KIAA2012: variants seen among roughly 807,000 people sequenced by gnomAD.
The protein encoded by KIAA2012 is KIAA2012.
KIAA2012 carries 125 observed loss-of-function variants against 150.6 expected under a neutral mutation model. The ratio of observed to expected loss-of-function variants is 0.83; its 90% CI spans 0.72 to 0.96. The LOEUF is 0.96. Among genes scored for constraint, KIAA2012 ranks in the 40% least tolerant of loss-of-function variants. The pLI is 0.00. For missense variants in KIAA2012, 1,219 were observed against 1,354.9 expected (o/e 0.90, Z 1.57); for synonymous variants, 462 against 504.7 (o/e 0.92, Z 1.13).
chr2:202,124,330 T>C (rs1160134130), intron 11 of KIAA2012, among the ~76,000 whole-genome samples: 1 of 152,268 alleles, frequency 6.6e-6, no homozygotes, highest in Non-Finnish European at 1.5e-5. Flanking sequence ...AATTTTCATT[T>C]TGACTGACAA....
chr2:202,126,134 T>C (rs1272989188), intron 12 of KIAA2012, among the ~76,000 whole-genome samples: 1 of 151,874 alleles, frequency 6.6e-6, no homozygotes, highest in East Asian at 1.9e-4. Context: ...TTTGTATTTT[T>C]AGTAGAGACG....
intron 13 of KIAA2012, among the ~76,000 whole-genome samples, chr2:202,150,915 T>G (rs968202363): frequency 2.6e-5 from 4 of 152,200 alleles, no homozygotes; most frequent in Admixed American, 2.6e-4. Context: ...CTGATCACTA[T>G]TTATTCTTCT....
At chr2:202,196,571 C>T (rs1347179164) in intron 21 of KIAA2012, among the ~76,000 whole-genome samples, 2 of 151,990 alleles carry the variant, frequency 1.3e-5, no homozygotes, top group Admixed American at 6.6e-5. Context: ...ATAAGCACAC[C>T]GGGCTCTGGA....
rs182994074 is a variant in KIAA2012, at chr2:202,154,776, G to T, written c.2012G>T (p.Arg671Leu). The T allele has an allele frequency of 7.7e-6, 12 of 1,549,202 alleles. No homozygotes were observed. The highest frequency in any genetic ancestry group is 9.6e-6 in the Non-Finnish European group (11 of 1,146,722). Reference sequence around the variant, plus strand: ...TCAAACAGAAAAGAATTTTACACGCGCAAGCTGCACATCGACATGACGCCG... The same window carrying T: ...TCAAACAGAAAAGAATTTTACACGCTCAAGCTGCACATCGACATGACGCCG... ...ICSNRKEFYT[R>L]KLHIDMTPFL... Residue 671 changes from arginine (R) to leucine (L), a missense_variant, in exon 14 of 24, where the codon CGC becomes CTC. Coordinates refer to ENST00000498697, the MANE Select transcript of KIAA2012 (RefSeq NM_001277372.4).
intron 7 of KIAA2012, among the ~76,000 whole-genome samples, chr2:202,102,437 A>C (rs555873055): frequency 6.6e-6 from 1 of 152,342 alleles, no homozygotes; most frequent in Admixed American, 6.5e-5. Flanking sequence ...CAACAACCTT[A>C]TAAGGTAAGT....
chr2:202,089,250 C>T (rs1449163345), intron 2 of KIAA2012, among the ~76,000 whole-genome samples: 1 of 152,218 alleles, frequency 6.6e-6, no homozygotes, highest in Non-Finnish European at 1.5e-5. Flanking sequence ...AGATAACAAA[C>T]TTTCTTTCTC....
At chr2:202,131,528 T>C (rs1690927909) in intron 12 of KIAA2012, among the ~76,000 whole-genome samples, 1 of 152,232 alleles carries the variant, frequency 6.6e-6, no homozygotes, top group Admixed American at 6.5e-5. Context: ...ACAAATACTA[T>C]GGTAGGCACA....
Position 202,100,288 on chromosome 2 carries a change from TCTCATC to T in KIAA2012, c.1013-16_1013-11del, listed in dbSNP as rs946505298. 5.2e-6 allele frequency: 8 copies of T among 1,547,432 alleles called. No individual in the cohort carries two copies. In the African/African-American group the frequency reaches 9.6e-5, roughly 19 times the overall value. On this transcript the variant is annotated splice_polypyrimidine_tract_variant and intron_variant, in intron 6 of 23. Transcript: ENST00000498697. The stretch of plus-strand genomic sequence containing the variant: ...CTACCTGCAATTAATATATTCTCAT[TCTCATC>T]CTGTTTTTAAAGATAAACAAAGGAA...
chr2:202,180,482 G>A (rs1031060066), intron 15 of KIAA2012, among the ~76,000 whole-genome samples: 1 of 152,144 alleles, frequency 6.6e-6, no homozygotes, highest in African/African-American at 2.4e-5. Flanking sequence ...AAAATAGACT[G>A]TACATCCTTT....
Position 202,113,453 on chromosome 2 carries a change from T to C in KIAA2012, c.1762+7T>C. ...GCGCTTCCATCGGGTAAAGGTAAGC[T>C]AACACATTCCAGGGCAGCCTTGTTT... On this transcript the variant is annotated splice_region_variant and intron_variant, in intron 11 of 23. Transcript: ENST00000498697. 6.5e-7 allele frequency: 1 copy of C among 1,528,964 alleles called. No homozygotes were observed. The highest frequency in any genetic ancestry group is 1.2e-5 in the South Asian group (1 of 81,446). 94.7% of individuals were successfully genotyped at this position (1,528,964 alleles called of 1,614,324 possible). A position where few individuals can be genotyped will look rare whatever the true frequency, so the allele number is the denominator to read the frequency against.
intron 2 of KIAA2012, among the ~76,000 whole-genome samples, chr2:202,084,380 T>G (rs10194646): frequency 0.3 from 45,860 of 152,038 alleles, 7,348 homozygotes; most frequent in East Asian, 0.38. Context: ...GAAGGGACAG[T>G]TACACAGGAG....
Position 202,109,553 on chromosome 2 carries a change from C to A in KIAA2012, c.1475-60C>A, listed in dbSNP as rs531845484. ...TTCAACCAAGTTAGAAGAGAGCTTC[C>A]TTCTCCTTCCTGCTGATTCTGTTTT... On this transcript the variant is annotated intron_variant, in intron 9 of 23. Coordinates refer to ENST00000498697, the MANE Select transcript of KIAA2012 (RefSeq NM_001277372.4). The A allele has an allele frequency of 4.5e-5, 64 of 1,420,976 alleles. 1 individual carries two copies. In the South Asian group the frequency reaches 8.8e-4, roughly 19 times the overall value. 88.0% of individuals were successfully genotyped at this position (1,420,976 alleles called of 1,614,324 possible). A position where few individuals can be genotyped will look rare whatever the true frequency, so the allele number is the denominator to read the frequency against.
At chr2:202,129,880 A>T (rs1690891473) in intron 12 of KIAA2012, among the ~76,000 whole-genome samples, 1 of 152,182 alleles carries the variant, frequency 6.6e-6, no homozygotes, top group Non-Finnish European at 1.5e-5. Context: ...CATGAAGTCA[A>T]ATCATTGATA....
rs1309000162 is a variant in KIAA2012 at position 202,143,268 on chromosome 2, T to C, written c.1908+4760T>C. On this transcript the variant is annotated intron_variant, in intron 13 of 23. Coordinates refer to ENST00000498697, the MANE Select transcript of KIAA2012 (RefSeq NM_001277372.4). ...CCCAGCTAATTTTTTTGTATTTTAG[T>C]AGAGACAGGGTTTCACTGTGTTGCC... 2.0e-5 allele frequency among the ~76,000 whole-genome samples: 3 copies of C among 151,940 alleles called. No homozygotes were observed. In the East Asian group the frequency reaches 5.8e-4, roughly 29 times the overall value.
intron 12 of KIAA2012, among the ~76,000 whole-genome samples, chr2:202,131,407 C>T (rs1417835073): frequency 2.0e-5 from 3 of 152,312 alleles, no homozygotes; most frequent in Non-Finnish European, 2.9e-5. Context: ...TCCCAAAGTG[C>T]TGGGATTACA....
At chr2:202,158,035 C>G (rs890013962) in intron 14 of KIAA2012, among the ~76,000 whole-genome samples, 1 of 151,986 alleles carries the variant, frequency 6.6e-6, no homozygotes, top group Non-Finnish European at 1.5e-5. Flanking sequence ...CTCTCTGTCA[C>G]TCAGGCTGGA....
chr2:202,165,445 G>A, intron 15 of KIAA2012, 89 bp downstream of exon 15: 1 of 1,302,204 alleles, frequency 7.7e-7, no homozygotes, highest in Non-Finnish European at 1.1e-6. Flanking sequence ...TGGGAGGCCA[G>A]GCACGGTGGC....
chr2:202,146,046 T>C (rs1691288262), intron 13 of KIAA2012, among the ~76,000 whole-genome samples: 1 of 152,190 alleles, frequency 6.6e-6, no homozygotes, highest in South Asian at 2.1e-4. Context: ...GCACAGGGTT[T>C]AGGATTATCT....
At chr2:202,178,301 A>C (rs964679844) in intron 15 of KIAA2012, among the ~76,000 whole-genome samples, 1 of 152,204 alleles carries the variant, frequency 6.6e-6, no homozygotes, top group Admixed American at 6.5e-5. Context: ...TTTTTCCTAT[A>C]CTGTGAACGC....
Sources: gnomAD v4.1 joint callset for allele counts (sites outside exome capture counted in the v4.1 genomes callset) on GRCh38, gnomAD v4.1.1 for gene constraint, MANE v1.5 for transcripts, NCBI Gene and HGNC (gene_info 2026-07-23, HGNC 2026-07-21) for gene names.